The following CAPN2 variants were observed in gnomAD, a reference collection of about 807,000 sequenced individuals.
CAPN2 encodes calpain 2.
In CAPN2, 92 loss-of-function variants were observed where a neutral mutation model predicts 102.3. The observed-to-expected ratio is 0.90, with a 90% CI of 0.76 to 1.07. The LOEUF (loss-of-function observed/expected upper bound fraction) is 1.07. Ranked by LOEUF, CAPN2 falls within the 50% of genes least tolerant of loss-of-function variation. The pLI, the probability that CAPN2 is intolerant of heterozygous loss-of-function variation, is 0.00. For synonymous variants in CAPN2, 340 were observed against 355.4 expected, an observed-to-expected ratio of 0.96 and a Z score of 0.49; for missense variants, 800 against 909.4, an observed-to-expected ratio of 0.88 and a Z score of 1.55.
rs1553254399 is a variant in CAPN2 at position 223,742,498 on chromosome 1, GTATA to G, written c.308-1584_308-1581del. On this transcript the variant is annotated intron_variant, in intron 2 of 20. Coordinates refer to ENST00000295006, the MANE Select transcript of CAPN2 (RefSeq NM_001748.5). ...TATTACATATTTTATATATATGTGT[GTATA>G]TATATATATATATATATTTTTTTTT... is the stretch of plus-strand genomic sequence containing the variant. Among the ~76,000 whole-genome samples, 19 of 127,274 alleles carry G rather than the reference GTATA, an allele frequency of 1.5e-4. No homozygotes were observed. The East Asian group carries it at 3.2e-3, about 22-fold the overall frequency. 83.5% of individuals were successfully genotyped at this position (127,274 alleles called of 152,430 possible).
intron 2 of CAPN2, among the ~76,000 whole-genome samples, chr1:223,722,003 G>A (rs1168202292): frequency 6.6e-6 from 1 of 152,156 alleles, no homozygotes; most frequent in African/African-American, 2.4e-5. Flanking sequence ...AGAGGATGGT[G>A]GAGGAAGAGA....
At chr1:223,732,093 G>C (rs1430481755) in intron 2 of CAPN2, among the ~76,000 whole-genome samples, 1 of 152,168 alleles carries the variant, frequency 6.6e-6, no homozygotes, top group Admixed American at 6.5e-5. Context: ...GCAGGGAGGT[G>C]TGTAAGCAGG....
rs771922236 is a variant in CAPN2 at position 223,755,597 on chromosome 1, G to A, written c.1253G>A (p.Arg418Gln). ...GGGCTCATTCAGAAGCACCGACGGCGGCAGAGGAAGATGGGCGAGGACATG... is the reference window on the plus strand; with the variant it reads ...GGGCTCATTCAGAAGCACCGACGGCAGCAGAGGAAGATGGGCGAGGACATG... ...LVGLIQKHRRRQRKMGEDMHT... is the reference protein window; with the variant it reads ...LVGLIQKHRRQQRKMGEDMHT... The change falls in exon 10 of 21, where the codon CGG (arginine) becomes CAG (glutamine). Residue 418 changes from arginine to glutamine, a missense_variant. By Grantham distance (43) the Arg-to-Gln change is conservative. Transcript: ENST00000295006. This position sits in a 1 kb window ranked among gnomAD's most constrained non-coding sequence, Gnocchi z 4.1. 3.3e-5 allele frequency: 54 copies of A among 1,612,822 alleles called. No homozygotes were observed. Among genetic ancestry groups the A allele is most frequent in the East Asian group, 1.3e-4 (6 of 44,882 alleles).
chr1:223,702,394 TCCAG>T (rs1461042287), intron 1 of CAPN2, among the ~76,000 whole-genome samples: 1 of 150,770 alleles, frequency 6.6e-6, no homozygotes, highest in African/African-American at 2.4e-5. Flanking sequence ...ACCACTGCAC[TCCAG>T]CCTGGTTGAC....
chr1:223,752,920 C>T lies in CAPN2; in HGVS notation c.1099C>T (p.Arg367Trp), dbSNP rs781468603. ...KLTKMDGNWR[R>W]GSTAGGCRNY... ...CACCAAAATGGATGGGAACTGGAGG[C>T]GGGGCTCCACCGCGGGAGGTTGCAG... is the stretch of plus-strand genomic sequence containing the variant. Residue 367 changes from arginine to tryptophan, a missense_variant, in exon 9 of 21, where the codon CGG becomes TGG. By Grantham distance (101) the Arg-to-Trp change is moderately radical. Coordinates refer to ENST00000295006, the MANE Select transcript of CAPN2 (RefSeq NM_001748.5). 9 of 1,613,942 alleles carry T rather than the reference C, an allele frequency of 5.6e-6. No individual in the cohort carries two copies. Among genetic ancestry groups the T allele is most frequent in the Admixed American group, 5.0e-5 (3 of 59,980 alleles).
At chr1:223,761,472 C>T in intron 12 of CAPN2, 109 bp from the exon 13 acceptor site, 1 of 838,290 alleles carries the variant, frequency 1.2e-6, no homozygotes. Flanking sequence ...CTGCCCCACC[C>T]CACCTACCCC....
At chr1:223,747,231 G>T in intron 5 of CAPN2, 66 bp downstream of exon 5, 1 of 1,478,756 alleles carries the variant, frequency 6.8e-7, no homozygotes, top group Non-Finnish European at 9.2e-7. Flanking sequence ...CTCCCACAGT[G>T]CCCAAGGGAA....
At chr1:223,710,216 C>T (rs142214749), upstream of CAPN2, among the ~76,000 whole-genome samples, 444 of 152,164 alleles carry the variant, frequency 2.9e-3, 2 homozygotes, top group African/African-American at 0.01. Flanking sequence ...GCAGAAGATG[C>T]AGTTAGCTGA....
intron 17 of CAPN2, chr1:223,770,113 T>G (rs757062772): frequency 1.8e-5 from 11 of 601,364 alleles, no homozygotes; most frequent in African/African-American, 1.7e-4. Flanking sequence ...AAATGGCCTA[T>G]TCCCTTCCTC....
At chr1:223,750,734 T>TG (rs1439775732) in intron 6 of CAPN2, among the ~76,000 whole-genome samples, 156 bp from the exon 7 acceptor site, 1 of 152,226 alleles carries the variant, frequency 6.6e-6, no homozygotes, top group Non-Finnish European at 1.5e-5. Flanking sequence ...CTAGCTCTTG[T>TG]GATCCTCCCT....
chr1:223,741,346 G>A (rs974489250), intron 2 of CAPN2, among the ~76,000 whole-genome samples: 1 of 149,664 alleles, frequency 6.7e-6, no homozygotes, highest in East Asian at 2.0e-4. Flanking sequence ...ACATTCTTTA[G>A]TGGCCTCTAC....
chr1:223,747,097 C>T lies in CAPN2; in HGVS notation c.661C>T (p.Pro221Ser). The T allele has an allele frequency of 1.2e-6, 2 of 1,613,984 alleles. No homozygotes were observed. Among genetic ancestry groups the T allele is most frequent in the South Asian group, 2.2e-5 (2 of 91,064 alleles). The change falls in exon 5 of 21, where the codon CCT becomes TCT. Residue 221 changes from proline (P) to serine (S), a missense_variant. Physicochemically the swap from Pro to Ser is moderately conservative, Grantham distance 74. Transcript: ENST00000295006. Reference protein sequence around the residue: ...IAEWYELKKPPPNLFKIIQKA... With the variant: ...IAEWYELKKPSPNLFKIIQKA... ...TGAGTGGTATGAGTTGAAGAAGCCCCCTCCCAACCTGTTCAAGATCATCCA... is the reference window on the plus strand; with the variant it reads ...TGAGTGGTATGAGTTGAAGAAGCCCTCTCCCAACCTGTTCAAGATCATCCA...
chr1:223,738,711 A>G (rs933023260), intron 2 of CAPN2, among the ~76,000 whole-genome samples: 3 of 152,242 alleles, frequency 2.0e-5, no homozygotes, highest in African/African-American at 7.2e-5. Context: ...TTGCAAACAG[A>G]CAGCTTGCAT....
Position 223,726,904 on chromosome 1 carries a change from G to A in CAPN2, c.307+9073G>A, listed in dbSNP as rs893484067. The stretch of plus-strand genomic sequence containing the variant: ...AGGGTGACTCATCAGCTACCCTCTC[G>A]CAGGCCTAGCACGCTGGCGGGGTGT... On this transcript the variant is annotated intron_variant, in intron 2 of 20. Coordinates refer to ENST00000295006, the MANE Select transcript of CAPN2 (RefSeq NM_001748.5). The surrounding 1 kb of genome is among the most constrained non-coding windows in gnomAD (Gnocchi z 4.4). Among the ~76,000 whole-genome samples, 3 of 152,142 alleles carry A rather than the reference G, an allele frequency of 2.0e-5. No individual in the cohort carries two copies. Among genetic ancestry groups the A allele is most frequent in the Admixed American group, 1.3e-4 (2 of 15,280 alleles).
Position 223,755,245 on chromosome 1 carries a change from CA to C in CAPN2, c.1136-233del, listed in dbSNP as rs1349756501. ...CCCACAGCCTCCCACCGCCTCTTGC[CA>C]ACTCCCACCATCTCCCGCCATTTTC... is the stretch of plus-strand genomic sequence containing the variant. On this transcript the variant is annotated intron_variant, in intron 9 of 20. Coordinates refer to ENST00000295006, the MANE Select transcript of CAPN2 (RefSeq NM_001748.5). This position sits in a 1 kb window ranked among gnomAD's most constrained non-coding sequence, Gnocchi z 4.1. Among the ~76,000 whole-genome samples, 1 of 151,948 alleles carries C rather than the reference CA, an allele frequency of 6.6e-6. No individual in the cohort carries two copies. The highest frequency in any genetic ancestry group is 1.5e-5 in the Non-Finnish European group (1 of 67,988).
rs767224404 is a variant in CAPN2 at position 223,746,986 on chromosome 1, C to G, written c.561-11C>G. On this transcript the variant is annotated splice_polypyrimidine_tract_variant and intron_variant, in intron 4 of 20. Transcript: ENST00000295006. ...TCAAGGGTAGCGGCAGCGTCTAATC[C>G]CCTCTTGTAGGATCAACGGATGCTA... 1 of 1,609,854 alleles carries G rather than the reference C, an allele frequency of 6.2e-7. No individual in the cohort carries two copies. Among genetic ancestry groups the G allele is most frequent in the East Asian group, 2.2e-5 (1 of 44,798 alleles).
At chr1:223,721,166 A>G (rs990444054) in intron 2 of CAPN2, among the ~76,000 whole-genome samples, 24 of 152,222 alleles carry the variant, frequency 1.6e-4, no homozygotes, top group African/African-American at 5.8e-4. Context: ...AGCCATCTCC[A>G]TTGCAGAATA....
intron 2 of CAPN2, among the ~76,000 whole-genome samples, chr1:223,742,575 A>G (rs1160322474): frequency 7.0e-6 from 1 of 142,178 alleles, no homozygotes; most frequent in Non-Finnish European, 1.5e-5. Flanking sequence ...GGCTGAGTGC[A>G]GTGGCATGAT....
chr1:223,752,049 C>A lies in CAPN2; in HGVS notation c.952C>A (p.Arg318=), dbSNP rs751561157. The A allele has an allele frequency of 1.9e-6, 3 of 1,612,678 alleles. No individual in the cohort carries two copies. In the South Asian group the frequency reaches 3.3e-5, roughly 18 times the overall value. The part of the protein sequence containing the change: ...DPEERERLTR[R]HEDGEFWMSF... ...AGAGGAGAGGGAAAGGCTGACCAGA[C>A]GGCATGAAGATGGAGAATTCTGGTA... The change falls in exon 8 of 21, where the codon CGG becomes AGG. Residue 318 remains arginine, a synonymous_variant. Coordinates refer to ENST00000295006, the MANE Select transcript of CAPN2 (RefSeq NM_001748.5).
Sources: allele counts gnomAD v4.1 joint callset (sites outside exome capture counted in the v4.1 genomes callset), GRCh38; gene constraint gnomAD v4.1.1; non-coding constraint Gnocchi (gnomAD v3.1); transcripts MANE v1.5; gene names NCBI Gene and HGNC (gene_info 2026-07-23, HGNC 2026-07-21).